MAGI2: variants seen among roughly 807,000 people sequenced by gnomAD.
MAGI2 encodes the protein membrane associated guanylate kinase, WW and PDZ domain containing 2, also known as membrane-associated guanylate kinase, WW and PDZ domain-containing protein 2.
MAGI2 carries 35 observed loss-of-function variants against 133.3 expected under a neutral mutation model. The observed-to-expected ratio is 0.26, with a 90% CI of 0.20 to 0.35. The LOEUF is 0.35. Among genes scored for constraint, MAGI2 ranks in the 10% least tolerant of loss-of-function variants. The probability of loss-of-function intolerance (pLI) is 1.00; values close to 1 mark genes in which losing one functional copy is unlikely to be tolerated. For synonymous variants in MAGI2, 729 were observed against 710.6 expected, an observed-to-expected ratio of 1.03 and a Z score of -0.41; for missense variants, 1,636 against 1,863.4, an observed-to-expected ratio of 0.88 and a Z score of 2.25.
At chr7:78,213,832 C>T (rs953107161) in intron 10 of MAGI2, among the ~76,000 whole-genome samples, 1 of 152,194 alleles carries the variant, frequency 6.6e-6, no homozygotes, top group African/African-American at 2.4e-5. Context: ...ATTCTTTGCT[C>T]AAACTCTGTC....
intron 3 of MAGI2, among the ~76,000 whole-genome samples, chr7:78,564,516 C>A (rs962042210): frequency 2.6e-5 from 4 of 152,048 alleles, no homozygotes; most frequent in Non-Finnish European, 5.9e-5. Flanking sequence ...AAGTTATTTG[C>A]AAGTAAATTT....
rs560941608 is a variant in MAGI2, at chr7:79,261,834, C to T, written c.301+191186G>A. Reference sequence around the variant, plus strand: ...CATCAATACCTGCACCATTTATTGTCTAAATTATGATTTTCTATTCCCCTA... The same window carrying T: ...CATCAATACCTGCACCATTTATTGTTTAAATTATGATTTTCTATTCCCCTA... On this transcript the variant is annotated intron_variant, in intron 1 of 21. Coordinates refer to ENST00000354212, the MANE Select transcript of MAGI2 (RefSeq NM_012301.4). Among the ~76,000 whole-genome samples, 43 of 152,270 alleles carry T rather than the reference C, an allele frequency of 2.8e-4. 1 individual carries two copies. The highest frequency in any genetic ancestry group is 9.9e-4 in the African/African-American group (41 of 41,562).
chr7:78,918,654 T>C (rs1348458287), intron 2 of MAGI2, among the ~76,000 whole-genome samples: 1 of 152,192 alleles, frequency 6.6e-6, no homozygotes, highest in African/African-American at 2.4e-5. Context: ...AACTTTGTAT[T>C]ACATTTTTGA....
intron 9 of MAGI2, among the ~76,000 whole-genome samples, chr7:78,306,373 G>A (rs1023823559): frequency 6.6e-6 from 1 of 152,154 alleles, no homozygotes. Context: ...TAAAATAACA[G>A]CACTTCGATA....
chr7:79,280,925 T>C (rs897299422), intron 1 of MAGI2, among the ~76,000 whole-genome samples: 1 of 60,320 alleles, frequency 1.7e-5, no homozygotes, highest in East Asian at 5.6e-4. Flanking sequence ...ACTCTGTCTC[T>C]GAAAAAAAAA....
chr7:78,709,028 T>C (rs1818918338), intron 2 of MAGI2, among the ~76,000 whole-genome samples: 1 of 152,148 alleles, frequency 6.6e-6, no homozygotes, highest in Non-Finnish European at 1.5e-5. Flanking sequence ...CATGCCTCAC[T>C]TGTACTTCTG....
rs375782606 is a variant in MAGI2 at position 78,553,028 on chromosome 7, C to T, written c.539-31383G>A. Among the ~76,000 whole-genome samples the T allele has an allele frequency of 3.8e-4, 57 of 149,584 alleles. 2 individuals carry two copies. Among genetic ancestry groups the T allele is most frequent in the Middle Eastern group, 6.9e-3 (2 of 290 alleles). On this transcript the variant is annotated intron_variant, in intron 3 of 21. Coordinates refer to ENST00000354212, the MANE Select transcript of MAGI2 (RefSeq NM_012301.4). ...AGCATGGAGTGGAGGAAGATGAGATCGTCTTAAAAACTGTAAGAGGCAGAG... is the reference window on the plus strand; with the variant it reads ...AGCATGGAGTGGAGGAAGATGAGATTGTCTTAAAAACTGTAAGAGGCAGAG...
chr7:78,577,630 G>A (rs1324543912), intron 3 of MAGI2, among the ~76,000 whole-genome samples: 1 of 150,620 alleles, frequency 6.6e-6, no homozygotes, highest in African/African-American at 2.4e-5. Context: ...GGTAGGTAAA[G>A]GAAAAAGGGG....
At chr7:78,114,856 C>T (rs113837953) in intron 20 of MAGI2, among the ~76,000 whole-genome samples, 1,647 of 152,260 alleles carry the variant, frequency 0.011, 12 homozygotes, top group Non-Finnish European at 0.018. Context: ...AGGACGTATG[C>T]TACAGAATGA....
intron 11 of MAGI2, among the ~76,000 whole-genome samples, chr7:78,196,752 C>T (rs1828777338): frequency 6.6e-6 from 1 of 152,200 alleles, no homozygotes; most frequent in Non-Finnish European, 1.5e-5. Flanking sequence ...GGTCACTGAC[C>T]CTTCCTTCAA....
intron 21 of MAGI2, among the ~76,000 whole-genome samples, chr7:78,075,685 A>G (rs1815214904): frequency 6.6e-6 from 1 of 152,044 alleles, no homozygotes; most frequent in Admixed American, 6.6e-5. Flanking sequence ...GATGTAATAA[A>G]TCTTAGCTGT....
At chr7:78,489,473 A>G (rs1406113962) in intron 6 of MAGI2, among the ~76,000 whole-genome samples, 4 of 152,068 alleles carry the variant, frequency 2.6e-5, no homozygotes, top group South Asian at 2.1e-4. Context: ...GACGTATTGC[A>G]AACAAAAAGT....
At chr7:78,950,177 T>C (rs1367569611) in intron 2 of MAGI2, among the ~76,000 whole-genome samples, 1 of 152,166 alleles carries the variant, frequency 6.6e-6, no homozygotes, top group Non-Finnish European at 1.5e-5. Context: ...CTGCTCATCT[T>C]ATCTTATTGG....
chr7:78,330,891 G>T (rs1454179483), intron 9 of MAGI2, among the ~76,000 whole-genome samples: 1 of 152,148 alleles, frequency 6.6e-6, no homozygotes, highest in African/African-American at 2.4e-5. Context: ...CAAAGGCTCA[G>T]TTCAGAGAGA....
chr7:78,765,232 GA>G (rs1378330741), intron 2 of MAGI2, among the ~76,000 whole-genome samples: 2 of 151,096 alleles, frequency 1.3e-5, no homozygotes, highest in Non-Finnish European at 3.0e-5. Context: ...CCAGTGAAGA[GA>G]ATTGCTCTTT....
chr7:78,870,018 G>A (rs1284607050), intron 2 of MAGI2, among the ~76,000 whole-genome samples: 1 of 152,080 alleles, frequency 6.6e-6, no homozygotes, highest in Non-Finnish European at 1.5e-5. Context: ...TTTGAAGTCA[G>A]GTAATGTGAT....
intron 1 of MAGI2, among the ~76,000 whole-genome samples, chr7:79,308,427 T>C (rs1047880764): frequency 2.0e-5 from 3 of 152,144 alleles, no homozygotes; most frequent in African/African-American, 7.2e-5. Context: ...TATGGAAGCA[T>C]GAGCGAGTTC....
chr7:79,208,991 A>T (rs926002216), intron 1 of MAGI2, among the ~76,000 whole-genome samples: 1 of 151,996 alleles, frequency 6.6e-6, no homozygotes, highest in Non-Finnish European at 1.5e-5. Context: ...AGAAGTAGAG[A>T]GCAGAATGGT....
intron 3 of MAGI2, among the ~76,000 whole-genome samples, chr7:78,535,136 A>C (rs953931118): frequency 7.9e-5 from 12 of 152,196 alleles, no homozygotes; most frequent in African/African-American, 2.9e-4. Flanking sequence ...CATCTCAAAA[A>C]AGAAAAGAAA....
Sources: allele counts gnomAD v4.1 joint callset (sites outside exome capture counted in the v4.1 genomes callset), GRCh38; gene constraint gnomAD v4.1.1; transcripts MANE v1.5; gene names NCBI Gene and HGNC (gene_info 2026-07-23, HGNC 2026-07-21).